The following IL3RA variants were observed in gnomAD, a reference collection of about 807,000 sequenced individuals.
IL3RA encodes the protein interleukin-3 receptor subunit alpha.
In IL3RA, 73 loss-of-function variants were observed where a neutral mutation model predicts 52.3. The ratio of observed to expected loss-of-function variants is 1.40; its 90% CI spans 1.16 to 1.70. The LOEUF (loss-of-function observed/expected upper bound fraction) is 1.70. Among genes scored for constraint, IL3RA ranks in the 40% most tolerant of loss-of-function variants. IL3RA has a pLI of 0.00. For synonymous variants in IL3RA, 260 were observed against 194.0 expected, an observed-to-expected ratio of 1.34 and a Z score of -2.83; for missense variants, 664 against 504.4, an observed-to-expected ratio of 1.32 and a Z score of -3.03.
intron 6 of IL3RA, among the ~76,000 whole-genome samples, chrX:1,353,846 C>T (rs1310086470): frequency 1.4e-5 from 2 of 145,664 alleles, no homozygotes; most frequent in African/African-American, 2.6e-5. Flanking sequence ...ATGGGAACCC[C>T]CATCATGGGT....
At chrX:1,344,232 G>A (rs1336983248) in intron 2 of IL3RA, among the ~76,000 whole-genome samples, 13 of 151,936 alleles carry the variant, frequency 8.6e-5, no homozygotes, top group African/African-American at 2.4e-4. Flanking sequence ...TTGGGAGTTC[G>A]AGACCAGCCT....
At chrX:1,348,279 G>C in intron 3 of IL3RA, 152 bp from the exon 4 acceptor site, 2 of 672,146 alleles carry the variant, frequency 3.0e-6, no homozygotes, top group Admixed American at 4.5e-5. Flanking sequence ...CTTGAACCCG[G>C]GAGGGAGAGG....
In IL3RA at chrX:1,343,033, C is replaced by T. The variant is rs1273497582; in HGVS notation, c.64+1204C>T. Among the ~76,000 whole-genome samples, 4 of 151,668 alleles carry T rather than the reference C, an allele frequency of 2.6e-5. No homozygotes were observed. The East Asian group carries it at 6.0e-4, about 23-fold the overall frequency. On this transcript the variant is annotated intron_variant, in intron 2 of 11. Coordinates refer to ENST00000331035, the MANE Select transcript of IL3RA (RefSeq NM_002183.4). ...GAGGTTGCAGTGAGCCTAGATCACG[C>T]CATTGCACTCCAGCCTGGGCGACAG...
At chrX:1,356,560 G>A (rs1603445289) in intron 7 of IL3RA, among the ~76,000 whole-genome samples, 1 of 152,132 alleles carries the variant, frequency 6.6e-6, no homozygotes, top group African/African-American at 2.4e-5. Context: ...ACAAGGTCAG[G>A]AGATCGAGAC....
At chrX:1,345,711 C>A (rs1354106213) in intron 3 of IL3RA, among the ~76,000 whole-genome samples, 1 of 151,680 alleles carries the variant, frequency 6.6e-6, no homozygotes, top group Non-Finnish European at 1.5e-5. Context: ...AGGAGGGTCT[C>A]GATCTCCTGA....
Position 1,336,862 on chromosome X carries a change from C to A in IL3RA, c.-103C>A, listed in dbSNP as rs1218405028. 6.6e-6 allele frequency: 1 copy of A among 152,250 alleles called. No homozygotes were observed. The highest frequency in any genetic ancestry group is 6.5e-5 in the Admixed American group (1 of 15,280). The allele number at this position is 152,250 out of a possible 1,614,324, so 9.4% of individuals were successfully genotyped here. A position where few individuals can be genotyped will look rare whatever the true frequency, so the allele number is the denominator to read the frequency against. ...GAAACATCCTAGGATCAGGACACCCCAGATCTTCTCAACTGGAACCACGAA... is the reference window on the plus strand; with the variant it reads ...GAAACATCCTAGGATCAGGACACCCAAGATCTTCTCAACTGGAACCACGAA... On this transcript the variant is annotated 5_prime_UTR_variant, in exon 1 of 12. Coordinates refer to ENST00000331035, the MANE Select transcript of IL3RA (RefSeq NM_002183.4).
chrX:1,357,269 G>T (rs1316424942), intron 7 of IL3RA, among the ~76,000 whole-genome samples: 1 of 151,528 alleles, frequency 6.6e-6, no homozygotes, highest in Non-Finnish European at 1.5e-5. Context: ...GTTATATTTA[G>T]TTTGTATTTT....
At chrX:1,339,660 C>T (rs762452844) in intron 1 of IL3RA, among the ~76,000 whole-genome samples, 66 of 152,094 alleles carry the variant, frequency 4.3e-4, no homozygotes, top group Middle Eastern at 6.8e-3. Flanking sequence ...GGTGTGGTGG[C>T]GGACACCGGT....
chrX:1,369,833 G>A (rs1179837438), intron 9 of IL3RA, among the ~76,000 whole-genome samples: 3 of 37,240 alleles, frequency 8.1e-5, no homozygotes, highest in African/African-American at 4.5e-4. Flanking sequence ...CATAAGAAGA[G>A]GAGATGAGGA....
intron 7 of IL3RA, among the ~76,000 whole-genome samples, chrX:1,357,884 C>T (rs1444774958): frequency 3.4e-5 from 5 of 147,776 alleles, no homozygotes; most frequent in South Asian, 2.2e-4. Context: ...AGGACGATCA[C>T]GAGGTCAGGA....
chrX:1,356,236 C>A lies in IL3RA; in HGVS notation c.632C>A (p.Pro211His). Residue 211 changes from proline (P) to histidine (H), a missense_variant, in exon 7 of 12, where the codon CCC (proline) becomes CAC (histidine). Coordinates refer to ENST00000331035, the MANE Select transcript of IL3RA (RefSeq NM_002183.4). ...TCGTTGCTAGAGATATTAACTCCAC[C>A]CAACATGACTGCAAAGTGTAATAAG... ...VFSQIEILTP[P>H]NMTAKCNKTH... The A allele has an allele frequency of 6.2e-7, 1 of 1,609,296 alleles. No individual in the cohort carries two copies. The highest frequency in any genetic ancestry group is 8.5e-7 in the Non-Finnish European group (1 of 1,176,304).
rs1416125600 is a variant in IL3RA, at chrX:1,345,426, T to C, written c.175T>C (p.Ser59Pro). 3 of 1,582,972 alleles carry C rather than the reference T, an allele frequency of 1.9e-6. No individual in the cohort carries two copies. Among genetic ancestry groups the C allele is most frequent in the Middle Eastern group, 1.7e-4 (1 of 5,960 alleles). Residue 59 changes from serine to proline, a missense_variant, in exon 3 of 12, where the codon TCT becomes CCT. Transcript: ENST00000331035. ...CGAGTGTGTTAAAGACGCCGACTAT[T>C]CTATGCCGGTAAATCATACTCTCTA... is the stretch of plus-strand genomic sequence containing the variant. ...DIECVKDADYSMPAVNNSYCQ... is the reference protein window; with the variant it reads ...DIECVKDADYPMPAVNNSYCQ...
At chrX:1,362,999 C>T (rs1349599365) in intron 8 of IL3RA, among the ~76,000 whole-genome samples, 1 of 152,060 alleles carries the variant, frequency 6.6e-6, no homozygotes, top group African/African-American at 2.4e-5. Flanking sequence ...TGACCTCGAA[C>T]TCCTGACCTC....
At chrX:1,350,181 G>A (rs1332602616) in intron 4 of IL3RA, among the ~76,000 whole-genome samples, 53 of 151,370 alleles carry the variant, frequency 3.5e-4, no homozygotes, top group African/African-American at 1.0e-3. Context: ...GAGGCCGGGC[G>A]CAGTGGCTCA....
At chrX:1,367,848 C>G (rs370952357) in intron 9 of IL3RA, among the ~76,000 whole-genome samples, 45 of 150,722 alleles carry the variant, frequency 3.0e-4, no homozygotes, top group African/African-American at 1.1e-3. Context: ...TCCTGGGTCA[C>G]GGAAACACTC....
At chrX:1,377,407 C>T (rs1460016265) in intron 9 of IL3RA, among the ~76,000 whole-genome samples, 2 of 151,836 alleles carry the variant, frequency 1.3e-5, no homozygotes, top group Non-Finnish European at 2.9e-5. Flanking sequence ...CACCCGGCTA[C>T]TGTTTGTATT....
At chrX:1,366,242 C>A (rs867926444) in intron 9 of IL3RA, among the ~76,000 whole-genome samples, 1 of 21,962 alleles carries the variant, frequency 4.6e-5, no homozygotes, top group East Asian at 1.1e-3. Flanking sequence ...GAGCGGGGTG[C>A]GCGGGGTGAG....
At chrX:1,343,402 C>A (rs766524040) in intron 2 of IL3RA, among the ~76,000 whole-genome samples, 1 of 151,900 alleles carries the variant, frequency 6.6e-6, no homozygotes, top group African/African-American at 2.4e-5. Context: ...CAACGGCTCA[C>A]GTCTGTAATC....
rs17883685 is a variant in IL3RA, at chrX:1,352,308, A to G, written c.432-14A>G. ...CGGCGTGGGGTCGTCCCCCAACCTT[A>G]CCGCTTACCGCAGCAGGCGTCAACA... is the stretch of plus-strand genomic sequence containing the variant. On this transcript the variant is annotated splice_polypyrimidine_tract_variant and intron_variant, in intron 5 of 11. Transcript: ENST00000331035. 2.4e-3 allele frequency: 3,953 copies of G among 1,613,490 alleles called. 103 individuals carry two copies. In the African/African-American group the frequency reaches 0.048, roughly 19 times the overall value.
Sources: gnomAD v4.1 joint callset for allele counts (sites outside exome capture counted in the v4.1 genomes callset) on GRCh38, gnomAD v4.1.1 for gene constraint, MANE v1.5 for transcripts, NCBI Gene and HGNC (gene_info 2026-07-23, HGNC 2026-07-21) for gene names.